The following PSME4 variants were observed in gnomAD, a reference collection of about 807,000 sequenced individuals.
PSME4 encodes proteasome activator complex subunit 4.
Under a neutral mutation model 253.9 loss-of-function variants are expected in PSME4, and 89 were observed. The observed-to-expected ratio is 0.35, with a 90% CI of 0.30 to 0.42. PSME4 has a LOEUF of 0.42. PSME4 is among the 10% of genes least tolerant of loss of function. The pLI, the probability that PSME4 is intolerant of heterozygous loss-of-function variation, is 1.00. For missense variants in PSME4, 2,014 were observed against 2,195.2 expected, an observed-to-expected ratio of 0.92 and a Z score of 1.65; for synonymous variants, 851 against 759.2, an observed-to-expected ratio of 1.12 and a Z score of -1.99.
intron 1 of PSME4, among the ~76,000 whole-genome samples, chr2:53,958,872 A>G: frequency 6.6e-6 from 1 of 152,272 alleles, no homozygotes; most frequent in East Asian, 1.9e-4. Context: ...ATAAAAAGTA[A>G]CAGTGTTGAC....
At chr2:53,910,801 T>C (rs748178844) in intron 20 of PSME4, among the ~76,000 whole-genome samples, 5 of 152,242 alleles carry the variant, frequency 3.3e-5, no homozygotes, top group Non-Finnish European at 7.3e-5. Context: ...TTGACATATC[T>C]GAAATCTACA....
At chr2:53,872,942 A>T (rs192103901) in intron 43 of PSME4, among the ~76,000 whole-genome samples, 1 of 151,794 alleles carries the variant, frequency 6.6e-6, no homozygotes, top group Non-Finnish European at 1.5e-5. Context: ...GAAGTCTGTT[A>T]AGAGTTGTTA....
intron 1 of PSME4, among the ~76,000 whole-genome samples, chr2:53,954,279 G>C (rs1257708007): frequency 2.0e-5 from 3 of 151,304 alleles, no homozygotes; most frequent in Non-Finnish European, 4.4e-5. Flanking sequence ...AGTGAGCCAA[G>C]ATCTCGCTGC....
At chr2:53,940,952 C>CATATTTAT (rs61078234) in intron 3 of PSME4, among the ~76,000 whole-genome samples, 1,341 of 23,980 alleles carry the variant, frequency 0.056, 286 homozygotes, top group Non-Finnish European at 0.063. Flanking sequence ...TATATATATA[C>CATATTTAT]ATATATATAT....
chr2:53,872,931 T>C (rs1279973619), intron 43 of PSME4, among the ~76,000 whole-genome samples: 1 of 151,122 alleles, frequency 6.6e-6, no homozygotes, highest in Non-Finnish European at 1.5e-5. Flanking sequence ...ATATTTTAAT[T>C]GAAGTCTGTT....
chr2:53,935,545 A>G (rs1165087460), intron 7 of PSME4, among the ~76,000 whole-genome samples: 1 of 152,222 alleles, frequency 6.6e-6, no homozygotes, highest in Non-Finnish European at 1.5e-5. Flanking sequence ...CTAAGAAAAT[A>G]TATACTGTGA....
chr2:53,908,689 T>TA (rs1433271436), intron 22 of PSME4, 95 bp downstream of exon 22: 2 of 1,442,728 alleles, frequency 1.4e-6, no homozygotes, highest in African/African-American at 1.4e-5. Flanking sequence ...CCATTTAGAA[T>TA]AAAAAACATT....
chr2:53,870,290 T>C (rs981067272), intron 43 of PSME4: 1 of 152,162 alleles, frequency 6.6e-6, no homozygotes, highest in Admixed American at 6.5e-5. Context: ...TTCATTACAC[T>C]AGCATATGAA....
At chr2:53,968,944 A>C (rs960722714) in intron 1 of PSME4, among the ~76,000 whole-genome samples, 2 of 152,206 alleles carry the variant, frequency 1.3e-5, no homozygotes. Context: ...ATATGCCTTC[A>C]CACCATGGCA....
At chr2:53,931,333 T>C (rs932748332) in intron 10 of PSME4, among the ~76,000 whole-genome samples, 1 of 151,966 alleles carries the variant, frequency 6.6e-6, no homozygotes, top group Non-Finnish European at 1.5e-5. Flanking sequence ...TCTGTGACAG[T>C]GGCTAGGCAA....
At chr2:53,928,429 G>T in intron 10 of PSME4, 126 bp from the exon 11 acceptor site, 1 of 729,628 alleles carries the variant, frequency 1.4e-6, no homozygotes, top group Non-Finnish European at 2.1e-6. Flanking sequence ...AAAATACTCA[G>T]AGTGAAAATC....
chr2:53,889,335 A>T (rs776536033), intron 37 of PSME4, among the ~76,000 whole-genome samples: 4 of 152,120 alleles, frequency 2.6e-5, no homozygotes, highest in Non-Finnish European at 5.9e-5. Flanking sequence ...CCTCCTGTAC[A>T]CTTTAAATCT....
chr2:53,867,541 T>A, intron 44 of PSME4, among the ~76,000 whole-genome samples: 1 of 146,722 alleles, frequency 6.8e-6, no homozygotes. Flanking sequence ...TGGCAGTGCA[T>A]GCCTGTGGTT....
chr2:53,895,472 G>C, intron 33 of PSME4, 111 bp downstream of exon 33: 1 of 1,067,536 alleles, frequency 9.4e-7, no homozygotes, highest in Non-Finnish European at 1.4e-6. Context: ...ACTAGGGAAG[G>C]GGAAAGATAA....
intron 32 of PSME4, 106 bp from the exon 33 acceptor site, chr2:53,895,842 C>T: frequency 9.6e-7 from 1 of 1,043,078 alleles, no homozygotes; most frequent in Non-Finnish European, 1.4e-6. Context: ...CACAAAACAA[C>T]ACTACAAAAA....
chr2:53,911,061 CA>C (rs1361409095), intron 20 of PSME4, among the ~76,000 whole-genome samples: 1 of 152,140 alleles, frequency 6.6e-6, no homozygotes, highest in African/African-American at 2.4e-5. Context: ...TGTATACCCT[CA>C]AAAAGTAGCT....
At chr2:53,890,853 C>T (rs771941590) in intron 36 of PSME4, among the ~76,000 whole-genome samples, 24 of 152,082 alleles carry the variant, frequency 1.6e-4, no homozygotes, top group Non-Finnish European at 2.6e-4. Context: ...ATGGCGAAAC[C>T]ATGTCTCTAC....
intron 43 of PSME4, among the ~76,000 whole-genome samples, chr2:53,871,164 TAA>T (rs1678858618): frequency 6.6e-6 from 1 of 152,204 alleles, no homozygotes; most frequent in Non-Finnish European, 1.5e-5. Context: ...TAGGAGTAGC[TAA>T]AAATGCCTCA....
chr2:53,895,847 C>T (rs698857), intron 32 of PSME4, 111 bp from the exon 33 acceptor site: 285,712 of 940,598 alleles, frequency 0.3, 45,060 homozygotes, highest in South Asian at 0.44. Flanking sequence ...AACAACACTA[C>T]AAAAATAACA....
Sources: allele counts gnomAD v4.1 joint callset (sites outside exome capture counted in the v4.1 genomes callset), GRCh38; gene constraint gnomAD v4.1.1; transcripts MANE v1.5; gene names NCBI Gene and HGNC (gene_info 2026-07-23, HGNC 2026-07-21).